MIA2: variants seen among roughly 807,000 people sequenced by gnomAD.
MIA2 encodes the protein melanoma inhibitory activity protein 2.
MIA2 carries 127 observed loss-of-function variants against 167.8 expected under a neutral mutation model. That is an observed-to-expected ratio of 0.76 (90% confidence interval 0.66 to 0.88). MIA2 has a LOEUF of 0.88. MIA2 is among the 40% of genes least tolerant of loss of function. The pLI, the probability that MIA2 is intolerant of heterozygous loss-of-function variation, is 0.00. For missense variants in MIA2, 1,690 were observed against 1,624.7 expected (o/e 1.04, Z -0.69); for synonymous variants, 552 against 541.9 (o/e 1.02, Z -0.26).
At position 39,298,363 on chromosome 14, in the gene MIA2, A is replaced by T. The variant is rs544620959; in HGVS notation, c.2497-1501A>T. On this transcript the variant is annotated intron_variant, in intron 13 of 28. Coordinates refer to ENST00000640607, the MANE Select transcript of MIA2 (RefSeq NM_001329214.4). ...GAGATGACCTAATCACCAAATGTGA[A>T]TTTTTTCTTGGATTCTCATTTGTTT... Among the ~76,000 whole-genome samples the T allele has an allele frequency of 6.3e-5, 9 of 142,664 alleles. No individual in the cohort carries two copies. The South Asian group carries it at 2.1e-3, about 33-fold the overall frequency. 93.6% of individuals were successfully genotyped at this position (142,664 alleles called of 152,430 possible). A position where few individuals can be genotyped will look rare whatever the true frequency, so the allele number is the denominator to read the frequency against.
chr14:39,315,906 G>T (rs1285673784), intron 21 of MIA2, among the ~76,000 whole-genome samples, 188 bp downstream of exon 21: 1 of 152,122 alleles, frequency 6.6e-6, no homozygotes, highest in African/African-American at 2.4e-5. Context: ...AGAAAAATCT[G>T]ATTTTTCCTT....
At chr14:39,345,451 A>G (rs1222886353) in intron 25 of MIA2, among the ~76,000 whole-genome samples, 5 of 152,146 alleles carry the variant, frequency 3.3e-5, no homozygotes, top group African/African-American at 9.7e-5. Flanking sequence ...TGACATCTGA[A>G]TGATACTCTT....
At chr14:39,281,854 C>G (rs1426867141) in intron 9 of MIA2, among the ~76,000 whole-genome samples, 2 of 152,240 alleles carry the variant, frequency 1.3e-5, no homozygotes, top group East Asian at 1.9e-4. Flanking sequence ...CTCCTGAGCT[C>G]AGGCAATCCA....
chr14:39,314,016 T>C (rs2152939529), intron 19 of MIA2, among the ~76,000 whole-genome samples: 1 of 152,338 alleles, frequency 6.6e-6, no homozygotes, highest in South Asian at 2.1e-4. Flanking sequence ...AAATAAGTTA[T>C]CTTGTTAATC....
At chr14:39,309,114 C>A (rs2063799692) in intron 18 of MIA2, among the ~76,000 whole-genome samples, 1 of 152,068 alleles carries the variant, frequency 6.6e-6, no homozygotes, top group South Asian at 2.1e-4. Flanking sequence ...TGAATCTGAC[C>A]ACTTTTTACC....
At chr14:39,386,744 TTCA>T (rs2139384606) in intron 23 of MIA2, 1 of 1,339,860 alleles carries the variant, frequency 7.5e-7, no homozygotes, top group Non-Finnish European at 1.1e-6. Context: ...GTTCAGTTTC[TTCA>T]TCCTCCTCTA....
chr14:39,300,690 A>C (rs2062253468), intron 14 of MIA2, among the ~76,000 whole-genome samples: 1 of 122,350 alleles, frequency 8.2e-6, no homozygotes, highest in African/African-American at 3.0e-5. Flanking sequence ...GGGGGGAGGG[A>C]TAGCATTAGG....
intron 25 of MIA2, among the ~76,000 whole-genome samples, chr14:39,339,583 A>G (rs2071310212): frequency 6.6e-6 from 1 of 152,338 alleles, no homozygotes; most frequent in East Asian, 1.9e-4. Flanking sequence ...TAAAAGATAA[A>G]TTATTAAAAA....
intron 9 of MIA2, among the ~76,000 whole-genome samples, chr14:39,288,457 A>T (rs1277044908): frequency 0.53 from 8,755 of 16,404 alleles, 1,955 homozygotes; most frequent in East Asian, 0.72. Context: ...ATATATATAT[A>T]TATATATATA....
At chr14:39,360,105 C>A (rs2074646238) in intron 23 of MIA2, among the ~76,000 whole-genome samples, 4 of 151,604 alleles carry the variant, frequency 2.6e-5, no homozygotes, top group Admixed American at 2.6e-4. Flanking sequence ...AGTTGGAGAC[C>A]AGCATGGCCA....
intron 2 of MIA2, among the ~76,000 whole-genome samples, chr14:39,239,204 T>C (rs2152607392): frequency 6.6e-6 from 1 of 152,344 alleles, no homozygotes; most frequent in Non-Finnish European, 1.5e-5. Flanking sequence ...ATTGCTTGTC[T>C]GGCCTCTGCA....
chr14:39,265,241 CACCCCTTTA>C (rs981901748), intron 6 of MIA2: 7 of 643,996 alleles, frequency 1.1e-5, no homozygotes, highest in Non-Finnish European at 1.9e-5. Context: ...CCACCTGTAG[CACCCCTTTA>C]CCACACAAAT....
At chr14:39,303,363 C>G in intron 15 of MIA2, 115 bp from the exon 16 acceptor site, 1 of 747,282 alleles carries the variant, frequency 1.3e-6, no homozygotes, top group South Asian at 1.9e-5. Flanking sequence ...TTTATTGTAG[C>G]AAGAAGAGGG....
In MIA2 at chr14:39,350,433, T is replaced by G. The variant is rs1410151436; in HGVS notation, c.*169T>G. 2 of 440,634 alleles carry G rather than the reference T, an allele frequency of 4.5e-6. No individual in the cohort carries two copies. Among genetic ancestry groups the G allele is most frequent in the Non-Finnish European group, 8.2e-6 (2 of 245,370 alleles). The allele number at this position is 440,634 out of a possible 1,614,324, so 27.3% of individuals were successfully genotyped here. A position where few individuals can be genotyped will look rare whatever the true frequency, so the allele number is the denominator to read the frequency against. On this transcript the variant is annotated 3_prime_UTR_variant, in exon 29 of 29. Coordinates refer to ENST00000640607, the MANE Select transcript of MIA2 (RefSeq NM_001329214.4). The stretch of plus-strand genomic sequence containing the variant: ...ATGATTTAAATATGAATCTTATGAG[T>G]AAATTATTTCAATTTTATTTTAGAC...
chr14:39,302,522 C>G (rs1313789393), intron 15 of MIA2, among the ~76,000 whole-genome samples: 1 of 152,096 alleles, frequency 6.6e-6, no homozygotes, highest in Non-Finnish European at 1.5e-5. Flanking sequence ...TAGCCATTTT[C>G]AAAATTACAT....
chr14:39,234,096 C>A lies in MIA2; in HGVS notation c.-19C>A, dbSNP rs769935836. 3 of 1,520,616 alleles carry A rather than the reference C, an allele frequency of 2.0e-6. No individual in the cohort carries two copies. The highest frequency in any genetic ancestry group is 2.7e-6 in the Non-Finnish European group (3 of 1,105,664). 94.2% of individuals were successfully genotyped at this position (1,520,616 alleles called of 1,614,324 possible). A position where few individuals can be genotyped will look rare whatever the true frequency, so the allele number is the denominator to read the frequency against. On this transcript the variant is annotated 5_prime_UTR_variant, in exon 1 of 29. Transcript: ENST00000640607. Reference sequence around the variant, plus strand: ...ATTGGCTTAAACTTCACTTGGGATTCCCGGTTGCTTGTTTTAGCATGGCAA... The same window carrying A: ...ATTGGCTTAAACTTCACTTGGGATTACCGGTTGCTTGTTTTAGCATGGCAA...
intron 23 of MIA2, among the ~76,000 whole-genome samples, chr14:39,358,839 T>C (rs530104534): frequency 1.3e-4 from 20 of 152,318 alleles, no homozygotes; most frequent in African/African-American, 4.6e-4. Flanking sequence ...TTTGCCTGGG[T>C]ATCAGCAGTG....
chr14:39,268,512 A>C (rs1176897536), intron 6 of MIA2, among the ~76,000 whole-genome samples: 1 of 152,192 alleles, frequency 6.6e-6, no homozygotes, highest in Non-Finnish European at 1.5e-5. Context: ...GCATACACAC[A>C]CAGTGCAGGG....
intron 18 of MIA2, among the ~76,000 whole-genome samples, chr14:39,312,754 G>A (rs929944161): frequency 6.6e-6 from 1 of 151,808 alleles, no homozygotes; most frequent in Non-Finnish European, 1.5e-5. Context: ...AATAATACAT[G>A]TAGAAGTCTG....
Sources: gnomAD v4.1 joint callset for allele counts (sites outside exome capture counted in the v4.1 genomes callset) on GRCh38, gnomAD v4.1.1 for gene constraint, MANE v1.5 for transcripts, NCBI Gene and HGNC (gene_info 2026-07-23, HGNC 2026-07-21) for gene names.